The following CHN2 variants were observed in gnomAD, a reference collection of about 807,000 sequenced individuals.
CHN2 encodes beta-chimaerin.
CHN2 carries 35 observed loss-of-function variants against 56.3 expected under a neutral mutation model. The observed-to-expected ratio is 0.62, with a 90% confidence interval of 0.47 to 0.82. CHN2 has a LOEUF of 0.82. CHN2 is among the 40% of genes least tolerant of loss of function. CHN2 has a pLI of 0.00. For missense variants in CHN2, 491 were observed against 580.5 expected (o/e 0.85, Z 1.58); for synonymous variants, 210 against 212.8 (o/e 0.99, Z 0.12).
At chr7:29,405,461 C>G (rs1351557354) in intron 6 of CHN2, among the ~76,000 whole-genome samples, 3 of 152,124 alleles carry the variant, frequency 2.0e-5, no homozygotes, top group Non-Finnish European at 4.4e-5. Context: ...GCATTGCCTC[C>G]CCTGACACAC....
chr7:29,456,022 C>T (rs1038076998), intron 6 of CHN2, among the ~76,000 whole-genome samples: 2 of 152,180 alleles, frequency 1.3e-5, no homozygotes, highest in South Asian at 4.1e-4. Context: ...GGAGTCAAAA[C>T]CAATAATAAT....
At chr7:29,445,348 C>T (rs935940130) in intron 6 of CHN2, among the ~76,000 whole-genome samples, 12 of 152,206 alleles carry the variant, frequency 7.9e-5, no homozygotes, top group African/African-American at 2.9e-4. Flanking sequence ...TCAGTTAATA[C>T]ATTTTCATTG....
At chr7:29,149,657 A>G (rs1793314954) in intron 2 of CHN2, among the ~76,000 whole-genome samples, 1 of 152,154 alleles carries the variant, frequency 6.6e-6, no homozygotes, top group Non-Finnish European at 1.5e-5. Flanking sequence ...ACAAGTCTGA[A>G]ATTAAAGTGC....
chr7:29,512,079 C>T (rs1791512340), intron 12 of CHN2, among the ~76,000 whole-genome samples: 1 of 152,086 alleles, frequency 6.6e-6, no homozygotes, highest in African/African-American at 2.4e-5. Context: ...GCCCATTCTA[C>T]ACATAACCTT....
intron 3 of CHN2, among the ~76,000 whole-genome samples, chr7:29,369,314 A>G (rs1476819326): frequency 1.3e-5 from 2 of 152,114 alleles, no homozygotes; most frequent in Non-Finnish European, 2.9e-5. Context: ...ACAACTAAAG[A>G]CTCTATCTAG....
intron 1 of CHN2, among the ~76,000 whole-genome samples, chr7:29,304,692 G>A (rs1314475338): frequency 3.9e-5 from 6 of 152,108 alleles, no homozygotes; most frequent in African/African-American, 1.4e-4. Context: ...TTAAGCCCTC[G>A]CCCATGTAGA....
chr7:29,408,704 T>A (rs1802892463), intron 6 of CHN2, among the ~76,000 whole-genome samples: 1 of 152,170 alleles, frequency 6.6e-6, no homozygotes, highest in Non-Finnish European at 1.5e-5. Flanking sequence ...AGTTAGTCCC[T>A]CTCTCAGGGG....
intron 1 of CHN2, among the ~76,000 whole-genome samples, chr7:29,259,945 T>C (rs1186388741): frequency 6.6e-6 from 1 of 151,722 alleles, no homozygotes. Flanking sequence ...GAGGCCGGAG[T>C]GGAGGTCAGA....
At chr7:29,189,119 T>TACTAA (rs1311726901) in intron 2 of CHN2, among the ~76,000 whole-genome samples, 9 of 151,936 alleles carry the variant, frequency 5.9e-5, no homozygotes, top group Non-Finnish European at 1.2e-4. Flanking sequence ...CCTGGCTAAT[T>TACTAA]TTTATATTTT....
At chr7:29,347,039 G>C (rs963912575) in intron 1 of CHN2, among the ~76,000 whole-genome samples, 3 of 152,032 alleles carry the variant, frequency 2.0e-5, no homozygotes, top group African/African-American at 7.2e-5. Context: ...GGAGCGTTCT[G>C]TGTCTCCATT....
chr7:29,472,251 T>C (rs1786124960), intron 6 of CHN2, among the ~76,000 whole-genome samples: 1 of 83,868 alleles, frequency 1.2e-5, no homozygotes, highest in African/African-American at 3.2e-5. Context: ...AAAATCCCCA[T>C]AGAAGCTTTT....
chr7:29,294,077 A>AG (rs1433709287), intron 1 of CHN2, among the ~76,000 whole-genome samples: 7 of 151,952 alleles, frequency 4.6e-5, no homozygotes, highest in African/African-American at 1.4e-4. Flanking sequence ...CGTGTTAGCG[A>AG]GGATGGTCTC....
At chr7:29,511,334 G>C (rs773617151) in intron 12 of CHN2, among the ~76,000 whole-genome samples, 3 of 152,132 alleles carry the variant, frequency 2.0e-5, no homozygotes, top group South Asian at 2.1e-4. Flanking sequence ...TAAACTATGG[G>C]TATCACATCT....
At chr7:29,443,646 G>T (rs1269501956) in intron 6 of CHN2, among the ~76,000 whole-genome samples, 1 of 152,134 alleles carries the variant, frequency 6.6e-6, no homozygotes. Context: ...CTTTTCATGG[G>T]TTGGCTGCAT....
intron 1 of CHN2, among the ~76,000 whole-genome samples, chr7:29,348,007 C>G (rs930351031): frequency 6.6e-6 from 1 of 151,952 alleles, no homozygotes; most frequent in Non-Finnish European, 1.5e-5. Context: ...TTTTTTTTCC[C>G]CCTCAGGTTG....
chr7:29,303,665 T>C (rs1418425331), intron 1 of CHN2, among the ~76,000 whole-genome samples: 1 of 152,204 alleles, frequency 6.6e-6, no homozygotes, highest in Non-Finnish European at 1.5e-5. Flanking sequence ...TTGGATCACT[T>C]AACACCTATC....
chr7:29,486,015 A>C (rs1017200709), intron 7 of CHN2, among the ~76,000 whole-genome samples: 1 of 145,834 alleles, frequency 6.9e-6, no homozygotes. Context: ...CTCCCTTTCC[A>C]CCCCCCTTCC....
chr7:29,496,328 A>G (rs1789280159), intron 8 of CHN2, among the ~76,000 whole-genome samples: 2 of 152,048 alleles, frequency 1.3e-5, no homozygotes, highest in South Asian at 4.1e-4. Flanking sequence ...AAAAAAAATC[A>G]ATTCCAATGG....
At chr7:29,387,461 G>T (rs1801005743) in intron 3 of CHN2, among the ~76,000 whole-genome samples, 1 of 152,170 alleles carries the variant, frequency 6.6e-6, no homozygotes, top group African/African-American at 2.4e-5. Context: ...TTGAATATTT[G>T]CTATTGGGAC....
Sources: gnomAD v4.1 joint callset for allele counts (sites outside exome capture counted in the v4.1 genomes callset) on GRCh38, gnomAD v4.1.1 for gene constraint, MANE v1.5 for transcripts, NCBI Gene and HGNC (gene_info 2026-07-23, HGNC 2026-07-21) for gene names.